SMPD3: variants seen among roughly 807,000 people sequenced by gnomAD.
SMPD3 encodes sphingomyelin phosphodiesterase 3.
In SMPD3, 21 loss-of-function variants were observed where a neutral mutation model predicts 55.7. That is an observed-to-expected ratio of 0.38 (90% confidence interval 0.27 to 0.54). The LOEUF (loss-of-function observed/expected upper bound fraction) is 0.54. SMPD3 is among the 20% of genes least tolerant of loss of function. The pLI is 0.80. For missense variants in SMPD3, 842 were observed against 899.6 expected, an observed-to-expected ratio of 0.94 and a Z score of 0.82; for synonymous variants, 457 against 404.3, an observed-to-expected ratio of 1.13 and a Z score of -1.56.
chr16:68,402,552 G>A lies in SMPD3; in HGVS notation c.-268-15893C>T, dbSNP rs1331797171. 2.0e-5 allele frequency among the ~76,000 whole-genome samples: 3 copies of A among 152,108 alleles called. No individual in the cohort carries two copies. In the East Asian group the frequency reaches 5.8e-4, roughly 29 times the overall value. On this transcript the variant is annotated intron_variant, in intron 1 of 8. Transcript: ENST00000219334. ...TTGGTAGTGATTTGTTATATAGCAT[G>A]GTAGGCGCTGTGCCTGAATGTTCAA...
rs111662255 is a variant in SMPD3, at chr16:68,359,365, C to G, written c.*1841G>C. On this transcript the variant is annotated 3_prime_UTR_variant, in exon 9 of 9. Coordinates refer to ENST00000219334, the MANE Select transcript of SMPD3 (RefSeq NM_018667.4). ...AGCCCAGCAGGATGCTCGCCCTCAG[C>G]AGCCCCTTCCTGGCTCTGGACTCTG... 0.022 allele frequency: 3,357 copies of G among 152,570 alleles called. 151 individuals are homozygous for G. Among genetic ancestry groups the G allele is most frequent in the African/African-American group, 0.075 (3,134 of 41,568 alleles). 9.5% of individuals were successfully genotyped at this position (152,570 alleles called of 1,614,324 possible). A position where few individuals can be genotyped will look rare whatever the true frequency, so the allele number is the denominator to read the frequency against.
chr16:68,372,094 G>C lies in SMPD3; in HGVS notation c.88C>G (p.Leu30Val). The C allele has an allele frequency of 1.2e-6, 2 of 1,612,478 alleles. No homozygotes were observed. Among genetic ancestry groups the C allele is most frequent in the East Asian group, 4.5e-5 (2 of 44,820 alleles). Residue 30 changes from leucine (L) to valine (V), a missense_variant, in exon 3 of 9, where the codon CTG becomes GTG. Coordinates refer to ENST00000219334, the MANE Select transcript of SMPD3 (RefSeq NM_018667.4). The part of the protein sequence containing the change: ...SWALIFPCYW[L>V]VDRLAASFIP... ...AAGGAGGCAGCGAGCCGGTCCACCA[G>C]CCAGTAGCATGGAAAGATAAGGGCC...
chr16:68,405,149 G>A (rs2090242844), intron 1 of SMPD3, among the ~76,000 whole-genome samples: 1 of 152,086 alleles, frequency 6.6e-6, no homozygotes, highest in Non-Finnish European at 1.5e-5. Flanking sequence ...TTTTGATGAG[G>A]GCTTGGGTCA....
intron 2 of SMPD3, among the ~76,000 whole-genome samples, chr16:68,375,195 C>T (rs1045587050): frequency 3.3e-5 from 5 of 152,034 alleles, no homozygotes; most frequent in Admixed American, 6.6e-5. Flanking sequence ...CAGACACAGC[C>T]GATTCTCTCT....
chr16:68,434,766 G>A (rs1258259670), intron 1 of SMPD3, among the ~76,000 whole-genome samples: 1 of 152,130 alleles, frequency 6.6e-6, no homozygotes, highest in Non-Finnish European at 1.5e-5. Context: ...GCGTTCTATT[G>A]CCTCCAATGA....
At chr16:68,414,101 C>T (rs568121514) in intron 1 of SMPD3, among the ~76,000 whole-genome samples, 7 of 152,208 alleles carry the variant, frequency 4.6e-5, no homozygotes, top group Non-Finnish European at 8.8e-5. Flanking sequence ...AACTCTGTTC[C>T]CATAGTCTAA....
chr16:68,363,852 G>A lies in SMPD3; in HGVS notation c.1570C>T (p.Gln524Ter). The change falls in exon 6 of 9, where the codon CAG becomes TAG. Residue 524 changes from glutamine (Q) to a stop codon, truncating the protein, a stop_gained. Transcript: ENST00000219334. LOFTEE classifies it high-confidence loss of function. Reference sequence around the variant, plus strand: ...TAGTGGGTGAACAGGGAGTGTTGCTGCTCCAGCTTGTCGTCTGTGCGGGGA... The same window carrying A: ...TAGTGGGTGAACAGGGAGTGTTGCTACTCCAGCTTGTCGTCTGTGCGGGGA... Reference protein sequence around the residue: ...DNCSSDDKLEQQHSLFTHYRD... With the variant: ...DNCSSDDKLE The A allele has an allele frequency of 6.4e-7, 1 of 1,565,372 alleles. No individual in the cohort carries two copies. The highest frequency in any genetic ancestry group is 8.7e-7 in the Non-Finnish European group (1 of 1,154,854).
chr16:68,414,825 G>A (rs2090327366), intron 1 of SMPD3, among the ~76,000 whole-genome samples: 2 of 152,236 alleles, frequency 1.3e-5, no homozygotes, highest in Admixed American at 6.5e-5. Context: ...CAGGTAGGAG[G>A]TGGCCTTGGT....
chr16:68,434,263 C>T (rs1242893506), intron 1 of SMPD3, among the ~76,000 whole-genome samples: 1 of 152,152 alleles, frequency 6.6e-6, no homozygotes, highest in Non-Finnish European at 1.5e-5. Context: ...TAAATTTATG[C>T]CCACAACTGT....
intron 1 of SMPD3, among the ~76,000 whole-genome samples, chr16:68,387,013 G>C (rs1011722338): frequency 6.6e-6 from 1 of 152,198 alleles, no homozygotes; most frequent in African/African-American, 2.4e-5. Context: ...GGGTGGGGAA[G>C]AGGTGAATTC....
Position 68,361,616 on chromosome 16 carries a change from G to A in SMPD3, c.1853C>T (p.Pro618Leu). ...CTCCTGACTCACGGCCTTCCAGTCTGGGCACAGCCCCTCCTCTGCATGCAG... is the reference window on the plus strand; with the variant it reads ...CTCCTGACTCACGGCCTTCCAGTCTAGGCACAGCCCCTCCTCTGCATGCAG... The part of the protein sequence containing the change: ...YMLHAEEGLC[P>L]DWKAEVEEFS... The change falls in exon 8 of 9, where the codon CCA becomes CTA. Residue 618 changes from proline (P) to leucine (L), a missense_variant. By Grantham distance (98) the Pro-to-Leu change is moderately conservative. Coordinates refer to ENST00000219334, the MANE Select transcript of SMPD3 (RefSeq NM_018667.4). The A allele has an allele frequency of 6.2e-7, 1 of 1,608,822 alleles. No homozygotes were observed. Among genetic ancestry groups the A allele is most frequent in the Non-Finnish European group, 8.5e-7 (1 of 1,179,942 alleles).
intron 7 of SMPD3, 92 bp from the exon 8 acceptor site, chr16:68,361,851 G>C: frequency 1.5e-6 from 2 of 1,298,870 alleles, no homozygotes; most frequent in Non-Finnish European, 2.1e-6. Flanking sequence ...TCCTCCCAGT[G>C]TGGGAGCGGG....
At chr16:68,363,655 C>A in intron 6 of SMPD3, 96 bp from the exon 7 acceptor site, 2 of 1,456,188 alleles carry the variant, frequency 1.4e-6, no homozygotes, top group Admixed American at 1.8e-5. Flanking sequence ...CTTCTGCTAG[C>A]CAGGGGCAGC....
chr16:68,394,071 T>C (rs2090135128), intron 1 of SMPD3, among the ~76,000 whole-genome samples: 1 of 152,250 alleles, frequency 6.6e-6, no homozygotes, highest in Non-Finnish European at 1.5e-5. Flanking sequence ...TGCTTATGTC[T>C]TTCCCACAGA....
chr16:68,400,602 T>G (rs2090196989), intron 1 of SMPD3, among the ~76,000 whole-genome samples: 1 of 152,226 alleles, frequency 6.6e-6, no homozygotes, highest in Admixed American at 6.5e-5. Context: ...GTGGAAGAGA[T>G]GAACTTTTTT....
At chr16:68,364,955 CCA>C (rs1420371085) in intron 4 of SMPD3, 49 bp from the exon 5 acceptor site, 2 of 1,613,400 alleles carry the variant, frequency 1.2e-6, no homozygotes, top group Admixed American at 1.7e-5. Context: ...GCCCCAGACC[CCA>C]GCTAGGCCCC....
rs140086370 is a variant in SMPD3 at position 68,430,480 on chromosome 16, T to C, written c.-269+17873A>G. ...GGCTGAGCATGACAGCTATTTTGGGTCAAGTCCACATTTCATTCCTAAATG... is the reference window on the plus strand; with the variant it reads ...GGCTGAGCATGACAGCTATTTTGGGCCAAGTCCACATTTCATTCCTAAATG... On this transcript the variant is annotated intron_variant, in intron 1 of 8. Transcript: ENST00000219334. 1.8e-4 allele frequency among the ~76,000 whole-genome samples: 27 copies of C among 152,326 alleles called. No homozygotes were observed. The East Asian group carries it at 3.7e-3, about 21-fold the overall frequency.
intron 1 of SMPD3, among the ~76,000 whole-genome samples, chr16:68,430,295 C>T (rs1462958436): frequency 6.6e-6 from 1 of 152,148 alleles, no homozygotes; most frequent in African/African-American, 2.4e-5. Context: ...GAAAAGCCCA[C>T]CACGGTGCCC....
intron 2 of SMPD3, among the ~76,000 whole-genome samples, chr16:68,372,667 T>C (rs138608969): frequency 1.3e-5 from 2 of 152,294 alleles, no homozygotes; most frequent in African/African-American, 4.8e-5. Context: ...TGAAAAATGG[T>C]CCTGGTTTTC....
Sources: allele counts gnomAD v4.1 joint callset (sites outside exome capture counted in the v4.1 genomes callset), GRCh38; gene constraint gnomAD v4.1.1; transcripts MANE v1.5; gene names NCBI Gene and HGNC (gene_info 2026-07-23, HGNC 2026-07-21).